The following LYRM4 variants were observed in gnomAD, a reference collection of about 807,000 sequenced individuals.
LYRM4 encodes the protein LYR motif containing 4, also known as LYR motif-containing protein 4.
In LYRM4, 9 loss-of-function variants were observed where a neutral mutation model predicts 11.7. The observed-to-expected ratio is 0.77, with a 90% CI of 0.46 to 1.34. The LOEUF (loss-of-function observed/expected upper bound fraction) is 1.34, where lower values mean the gene tolerates loss of function less well. Ranked by LOEUF, LYRM4 falls within the 40% of genes most tolerant of loss-of-function variation. LYRM4 has a pLI of 0.00. For missense variants in LYRM4, 133 were observed against 112.5 expected, an observed-to-expected ratio of 1.18 and a Z score of -0.82; for synonymous variants, 42 against 40.4, an observed-to-expected ratio of 1.04 and a Z score of -0.15.
At chr6:5,120,514 T>C (rs1453388237) in intron 2 of LYRM4, among the ~76,000 whole-genome samples, 1 of 152,166 alleles carries the variant, frequency 6.6e-6, no homozygotes, top group Non-Finnish European at 1.5e-5. Context: ...AGATTTATTG[T>C]GGAGAGCGAA....
At chr6:5,110,829 C>T (rs1762847680) in intron 2 of LYRM4, among the ~76,000 whole-genome samples, 1 of 152,122 alleles carries the variant, frequency 6.6e-6, no homozygotes, top group African/African-American at 2.4e-5. Context: ...ACTTTGGACG[C>T]AAGTGGATGG....
At chr6:5,064,396 G>C in the LYRM4 span, among the ~76,000 whole-genome samples, 1 of 151,922 alleles carries the variant, frequency 6.6e-6, no homozygotes, top group African/African-American at 2.4e-5. Context: ...GCAGTTTTAG[G>C]TTTACAGAGA....
At chr6:5,044,998 C>T in the LYRM4 span, among the ~76,000 whole-genome samples, 1 of 152,326 alleles carries the variant, frequency 6.6e-6, no homozygotes, top group East Asian at 1.9e-4. Flanking sequence ...CATGCACTCA[C>T]ATGGACAACA....
intron 1 of LYRM4, among the ~76,000 whole-genome samples, chr6:5,243,840 C>A (rs1178865763): frequency 6.6e-6 from 1 of 152,170 alleles, no homozygotes; most frequent in Non-Finnish European, 1.5e-5. Flanking sequence ...CTTAATAAAA[C>A]AAAGTATCTA....
intron 2 of LYRM4, among the ~76,000 whole-genome samples, chr6:5,116,214 C>T (rs2127597344): frequency 6.6e-6 from 1 of 152,264 alleles, no homozygotes; most frequent in South Asian, 2.1e-4. Context: ...TGAATAAAAA[C>T]AGCGGTAGGA....
At chr6:5,233,356 C>G (rs73363073) in intron 1 of LYRM4, among the ~76,000 whole-genome samples, 1 of 152,178 alleles carries the variant, frequency 6.6e-6, no homozygotes, top group Non-Finnish European at 1.5e-5. Context: ...AGAAGAAACA[C>G]AGCACCTTAT....
chr6:5,222,835 T>TAAAG (rs146130991), intron 1 of LYRM4, among the ~76,000 whole-genome samples: 107,363 of 150,720 alleles, frequency 0.71, 38,411 homozygotes, highest in South Asian at 0.81. Flanking sequence ...AACACTGAAT[T>TAAAG]AAAACAAGAC....
intron 2 of LYRM4, among the ~76,000 whole-genome samples, chr6:5,128,783 T>C (rs1763810159): frequency 6.6e-6 from 1 of 152,214 alleles, no homozygotes; most frequent in East Asian, 1.9e-4. Flanking sequence ...CTCATCAATC[T>C]TGCTTTTATT....
intron 2 of LYRM4, among the ~76,000 whole-genome samples, chr6:5,133,822 T>G (rs1181438786): frequency 2.0e-5 from 3 of 152,234 alleles, no homozygotes; most frequent in African/African-American, 7.2e-5. Context: ...TCTGTTTCTA[T>G]GGGTTTCCGT....
chr6:5,222,033 G>A (rs1005771056), intron 1 of LYRM4, among the ~76,000 whole-genome samples: 4 of 152,154 alleles, frequency 2.6e-5, no homozygotes, highest in Non-Finnish European at 5.9e-5. Flanking sequence ...TGGAGAGGAA[G>A]CTCAAGGATC....
At chr6:5,101,968 C>CTTTTTTTTTTTTTTT (rs397826404), downstream of LYRM4, among the ~76,000 whole-genome samples, 106 of 67,946 alleles carry the variant, frequency 1.6e-3, 14 homozygotes, top group Middle Eastern at 7.9e-3. Context: ...CTAATGCTTT[C>CTTTTTTTTTTTTTTT]TTTTTTTTTT....
the LYRM4 span, chr6:5,066,230 C>A: frequency 1.4e-6 from 1 of 724,522 alleles, no homozygotes; most frequent in Non-Finnish European, 2.6e-6. Context: ...TGCCAGATAA[C>A]ACTTCATACA....
chr6:5,069,987 G>C, the LYRM4 span, among the ~76,000 whole-genome samples: 2 of 152,230 alleles, frequency 1.3e-5, no homozygotes, highest in East Asian at 1.9e-4. Flanking sequence ...ATCACAGCAA[G>C]AAATTACTGT....
chr6:5,053,600 C>T, the LYRM4 span, among the ~76,000 whole-genome samples: 6 of 151,296 alleles, frequency 4.0e-5, no homozygotes, highest in Admixed American at 1.3e-4. Flanking sequence ...TGCACTCCAG[C>T]CTGGGTGACA....
intron 2 of LYRM4, among the ~76,000 whole-genome samples, chr6:5,194,997 T>C (rs1448152787): frequency 6.6e-6 from 1 of 152,248 alleles, no homozygotes; most frequent in Non-Finnish European, 1.5e-5. Context: ...TTTACGTCAT[T>C]AGCAAGAAAC....
chr6:5,152,550 A>G (rs1758148758), intron 2 of LYRM4, among the ~76,000 whole-genome samples: 1 of 152,176 alleles, frequency 6.6e-6, no homozygotes, highest in South Asian at 2.1e-4. Context: ...GGTGGAGGCA[A>G]ACGGAGAAGT....
In LYRM4 at chr6:5,219,677, C is replaced by T. The variant is rs56080716; in HGVS notation, c.87-2939G>A. On this transcript the variant is annotated intron_variant, in intron 1 of 2. Transcript: ENST00000330636. ...GGGCTAATCACCAGTTATTTCAATC[C>T]TGGCCCTGCCCTGGTTTTTATCATT... Among the ~76,000 whole-genome samples the T allele has an allele frequency of 3.3e-3, 496 of 151,152 alleles. 6 individuals carry two copies. Among genetic ancestry groups the T allele is most frequent in the African/African-American group, 0.011 (470 of 41,250 alleles).
chr6:5,066,939 G>T, the LYRM4 span: 1 of 1,108,122 alleles, frequency 9.0e-7, no homozygotes, highest in Non-Finnish European at 1.2e-6. Flanking sequence ...CCCCAAGGCG[G>T]AGAGCCTCAG....
At chr6:5,151,473 TC>T (rs1425642943) in intron 2 of LYRM4, among the ~76,000 whole-genome samples, 2 of 152,128 alleles carry the variant, frequency 1.3e-5, no homozygotes, top group African/African-American at 2.4e-5. Context: ...AGTTGTTGCC[TC>T]CAGGAAATCC....
Sources: allele counts gnomAD v4.1 joint callset (sites outside exome capture counted in the v4.1 genomes callset), GRCh38; gene constraint gnomAD v4.1.1; transcripts MANE v1.5; gene names NCBI Gene and HGNC (gene_info 2026-07-23, HGNC 2026-07-21).